The following GCSH variants were observed in gnomAD, a reference collection of about 807,000 sequenced individuals.
The protein encoded by GCSH is glycine cleavage system H protein, mitochondrial.
In GCSH, 15 loss-of-function variants were observed where a neutral mutation model predicts 21.3. The ratio of observed to expected loss-of-function variants is 0.70; its 90% CI spans 0.47 to 1.08. The LOEUF (loss-of-function observed/expected upper bound fraction) is 1.08, where lower values mean the gene tolerates loss of function less well. Ranked by LOEUF, GCSH falls within the 50% of genes least tolerant of loss-of-function variation. The pLI, the probability that GCSH is intolerant of heterozygous loss-of-function variation, is 0.00. For missense variants in GCSH, 179 were observed against 217.5 expected, an observed-to-expected ratio of 0.82 and a Z score of 1.11; for synonymous variants, 59 against 84.5, an observed-to-expected ratio of 0.70 and a Z score of 1.66.
intron 3 of GCSH, among the ~76,000 whole-genome samples, chr16:81,085,172 G>A (rs763084107): frequency 1.3e-5 from 2 of 151,654 alleles, no homozygotes; most frequent in East Asian, 1.9e-4. Context: ...GCACCACCAC[G>A]CCCAGCTAAT....
intron 1 of GCSH, among the ~76,000 whole-genome samples, 165 bp downstream of exon 1, chr16:81,095,966 C>G (rs942910573): frequency 6.6e-6 from 1 of 151,880 alleles, no homozygotes; most frequent in African/African-American, 2.4e-5. Flanking sequence ...GAGAAGCGGC[C>G]GCAGAGCCAG....
chr16:81,085,015 C>CCT (rs1555529363), intron 3 of GCSH, among the ~76,000 whole-genome samples: 1 of 106,816 alleles, frequency 9.4e-6, no homozygotes, highest in Non-Finnish European at 1.7e-5. Flanking sequence ...GCACCTGGCT[C>CCT]TTTTTTTTTT....
At chr16:81,095,288 G>A (rs1259572132) in intron 1 of GCSH, among the ~76,000 whole-genome samples, 1 of 151,558 alleles carries the variant, frequency 6.6e-6, no homozygotes, top group Non-Finnish European at 1.5e-5. Flanking sequence ...GAGTCCAGAA[G>A]ACTTTATCTT....
At chr16:81,091,896 G>A (rs532894621) in intron 1 of GCSH, among the ~76,000 whole-genome samples, 1 of 152,176 alleles carries the variant, frequency 6.6e-6, no homozygotes, top group East Asian at 1.9e-4. Flanking sequence ...TGGGATAATA[G>A]TGTGTGAGCC....
At chr16:81,086,624 C>G (rs1215490847) in intron 3 of GCSH, among the ~76,000 whole-genome samples, 1 of 151,462 alleles carries the variant, frequency 6.6e-6, no homozygotes, top group African/African-American at 2.4e-5. Context: ...CTTAGGGACC[C>G]TATAGGACAA....
At chr16:81,086,279 T>C (rs1972276169) in intron 3 of GCSH, among the ~76,000 whole-genome samples, 3 of 150,372 alleles carry the variant, frequency 2.0e-5, no homozygotes. Flanking sequence ...ATGCTTGTAA[T>C]CCCAACACTT....
intron 1 of GCSH, among the ~76,000 whole-genome samples, 189 bp downstream of exon 1, chr16:81,095,942 C>T (rs1360111681): frequency 6.6e-6 from 1 of 152,214 alleles, no homozygotes; most frequent in African/African-American, 2.4e-5. Context: ...CGGGTCCTCC[C>T]GCTACTTAAG....
At chr16:81,093,109 C>T (rs1038700766) in intron 1 of GCSH, among the ~76,000 whole-genome samples, 9 of 142,568 alleles carry the variant, frequency 6.3e-5, no homozygotes, top group South Asian at 2.2e-4. Flanking sequence ...GGGCGACTAG[C>T]GAAACTTCAT....
chr16:81,085,073 G>C (rs997646862), intron 3 of GCSH, among the ~76,000 whole-genome samples: 32 of 126,268 alleles, frequency 2.5e-4, no homozygotes, highest in Admixed American at 4.9e-4. Context: ...ACAGTACAAT[G>C]GTGTGTTCTA....
chr16:81,096,100 G>C (rs1383394103), intron 1 of GCSH, 31 bp downstream of exon 1: 21 of 1,242,332 alleles, frequency 1.7e-5, no homozygotes, highest in Middle Eastern at 6.1e-4. Context: ...GGCGGGGAGG[G>C]AGCAGCCGCC....
chr16:81,095,201 A>G (rs887621961), intron 1 of GCSH, among the ~76,000 whole-genome samples: 4 of 152,202 alleles, frequency 2.6e-5, no homozygotes, highest in Non-Finnish European at 4.4e-5. Flanking sequence ...AGTTATTTCA[A>G]GTCCGTTTGA....
chr16:81,091,463 C>A (rs1972395802), intron 1 of GCSH, among the ~76,000 whole-genome samples: 1 of 152,088 alleles, frequency 6.6e-6, no homozygotes, highest in Admixed American at 6.6e-5. Flanking sequence ...TTCAGGGAAT[C>A]CTGAAAGAAG....
At chr16:81,087,706 T>C (rs147333872) in intron 2 of GCSH, 42 bp from the exon 3 acceptor site, 279 of 1,350,508 alleles carry the variant, frequency 2.1e-4, no homozygotes, top group Admixed American at 7.7e-4. Context: ...TAAGAAGTTA[T>C]AACTAAACCC....
chr16:81,093,106 T>A (rs1286855515), intron 1 of GCSH, among the ~76,000 whole-genome samples: 1 of 146,986 alleles, frequency 6.8e-6, no homozygotes, highest in East Asian at 2.0e-4. Context: ...CCTGGGCGAC[T>A]AGCGAAACTT....
Position 81,090,590 on chromosome 16 carries a change from T to C in GCSH, c.228+11A>G, listed in dbSNP as rs1361114833. ...GCACACTGGGACAAATATTTCAATA[T>C]AATCCAATACCTGTGCAAAATTGCT... is the stretch of plus-strand genomic sequence containing the variant. On this transcript the variant is annotated intron_variant, in intron 2 of 4. Transcript: ENST00000315467. 1 of 1,537,840 alleles carries C rather than the reference T, an allele frequency of 6.5e-7. No homozygotes were observed. The highest frequency in any genetic ancestry group is 2.2e-5 in the East Asian group (1 of 44,532).
chr16:81,088,860 A>C lies in GCSH; in HGVS notation c.229-1196T>G, dbSNP rs534500190. Among the ~76,000 whole-genome samples, 225 of 152,282 alleles carry C rather than the reference A, an allele frequency of 1.5e-3. 1 individual carries two copies. The highest frequency in any genetic ancestry group is 5.3e-3 in the African/African-American group (219 of 41,564). ...TACTCCCTGAAGTCCCTGACTCCAG[A>C]AAGAAGTGGTCTCTCCATCAGGTAA... On this transcript the variant is annotated intron_variant, in intron 2 of 4. Transcript: ENST00000315467.
At chr16:81,085,482 A>G (rs1038238554) in intron 3 of GCSH, among the ~76,000 whole-genome samples, 3 of 152,150 alleles carry the variant, frequency 2.0e-5, no homozygotes, top group African/African-American at 4.8e-5. Context: ...GTAAAACTCC[A>G]TGTTCTTGCA....
Position 81,082,909 on chromosome 16 carries a change from C to G in GCSH, c.479G>C (p.Ser160Thr), listed in dbSNP as rs1972198589. Residue 160 changes from serine to threonine, a missense_variant, in exon 5 of 5, where the codon AGT (serine) becomes ACT (threonine). Physicochemically the swap from Ser to Thr is moderately conservative, Grantham distance 58. Coordinates refer to ENST00000315467, the MANE Select transcript of GCSH (RefSeq NM_004483.5). ...TATGTATTTCTCATATGCTTCTTCA[C>G]TCATAAGTTCATCTAGTTCTGAAGG... ...SNPSELDELM[S>T]EEAYEKYIKS... is the part of the protein sequence containing the mutation. 1 of 1,540,410 alleles carries G rather than the reference C, an allele frequency of 6.5e-7. No individual in the cohort carries two copies. Among genetic ancestry groups the G allele is most frequent in the Non-Finnish European group, 9.0e-7 (1 of 1,113,270 alleles).
chr16:81,083,555 A>T (rs1972213034), intron 4 of GCSH: 1 of 157,652 alleles, frequency 6.3e-6, no homozygotes, highest in Admixed American at 6.2e-5. Context: ...TATATGATCC[A>T]AATACACAAG....
Sources: gnomAD v4.1 joint callset for allele counts (sites outside exome capture counted in the v4.1 genomes callset) on GRCh38, gnomAD v4.1.1 for gene constraint, MANE v1.5 for transcripts, NCBI Gene and HGNC (gene_info 2026-07-23, HGNC 2026-07-21) for gene names.